Variants in LRRTM4 observed in about 807,000 individuals in gnomAD.
LRRTM4 encodes the protein leucine-rich repeat transmembrane neuronal protein 4.
In LRRTM4, 25 loss-of-function variants were observed where a neutral mutation model predicts 47.6. The ratio of observed to expected loss-of-function variants is 0.53; its 90% CI spans 0.38 to 0.73. The LOEUF (loss-of-function observed/expected upper bound fraction) is 0.73. LRRTM4 is among the 30% of genes least tolerant of loss of function. The pLI, the probability that LRRTM4 is intolerant of heterozygous loss-of-function variation, is 0.00. For synonymous variants in LRRTM4, 311 were observed against 269.5 expected, an observed-to-expected ratio of 1.15 and a Z score of -1.51; for missense variants, 638 against 713.4, an observed-to-expected ratio of 0.89 and a Z score of 1.20.
At chr2:76,863,442 A>G (rs1036829327) in intron 3 of LRRTM4, among the ~76,000 whole-genome samples, 1 of 152,180 alleles carries the variant, frequency 6.6e-6, no homozygotes, top group Non-Finnish European at 1.5e-5. Flanking sequence ...ATTTGAGTAA[A>G]GAAGCTTAGG....
At chr2:77,274,342 T>C (rs1169955521) in intron 3 of LRRTM4, among the ~76,000 whole-genome samples, 1 of 152,174 alleles carries the variant, frequency 6.6e-6, no homozygotes, top group Non-Finnish European at 1.5e-5. Context: ...CTGCTATATC[T>C]ATATCTCAAA....
At chr2:77,008,645 T>A (rs904594501) in intron 3 of LRRTM4, among the ~76,000 whole-genome samples, 4 of 152,096 alleles carry the variant, frequency 2.6e-5, no homozygotes, top group African/African-American at 9.7e-5. Flanking sequence ...ACTCTTGTCT[T>A]TCTTGTTGAG....
intron 3 of LRRTM4, among the ~76,000 whole-genome samples, chr2:77,151,117 A>ATG (rs144817565): frequency 0.057 from 8,351 of 147,666 alleles, 565 homozygotes; most frequent in African/African-American, 0.16. Flanking sequence ...ACGTCCGTGT[A>ATG]TGTGTGTGTG....
At position 77,008,169 on chromosome 2, in the gene LRRTM4, G is replaced by C. The variant is rs1159598501; in HGVS notation, c.1552-259253C>G. On this transcript the variant is annotated intron_variant, in intron 3 of 3. Transcript: ENST00000409884. ...AAGTAAAAACTTCAAATGTTGTGTG[G>C]TATTAGCATATATTATTCTCATCCC... Among the ~76,000 whole-genome samples, 11 of 152,214 alleles carry C rather than the reference G, an allele frequency of 7.2e-5. No individual in the cohort carries two copies. In the East Asian group the frequency reaches 1.9e-3, roughly 27 times the overall value.
intron 3 of LRRTM4, among the ~76,000 whole-genome samples, chr2:77,071,869 C>G (rs1680165425): frequency 2.0e-5 from 3 of 152,166 alleles, no homozygotes; most frequent in African/African-American, 7.2e-5. Context: ...GTTGAGGACA[C>G]TAGTGTCCAA....
At chr2:77,336,026 G>A (rs1671149479) in intron 3 of LRRTM4, among the ~76,000 whole-genome samples, 1 of 151,992 alleles carries the variant, frequency 6.6e-6, no homozygotes, top group Non-Finnish European at 1.5e-5. Flanking sequence ...TCATCTGCAG[G>A]TCAGAGTAGT....
At chr2:77,116,390 G>A (rs1671390241) in intron 3 of LRRTM4, among the ~76,000 whole-genome samples, 1 of 151,888 alleles carries the variant, frequency 6.6e-6, no homozygotes, top group Non-Finnish European at 1.5e-5. Context: ...TTTAAACATT[G>A]TATGTAGAGA....
chr2:76,849,666 A>G (rs1281423637), intron 3 of LRRTM4, among the ~76,000 whole-genome samples: 4 of 152,104 alleles, frequency 2.6e-5, no homozygotes, highest in African/African-American at 7.2e-5. Flanking sequence ...CTTAACAAAT[A>G]AATTCCAAAA....
At chr2:76,797,129 T>C (rs899851875) in intron 3 of LRRTM4, among the ~76,000 whole-genome samples, 1 of 151,782 alleles carries the variant, frequency 6.6e-6, no homozygotes, top group Non-Finnish European at 1.5e-5. Flanking sequence ...ACAAAGATAC[T>C]CCTCGAGAAG....
chr2:77,286,178 G>C (rs1399717536), intron 3 of LRRTM4, among the ~76,000 whole-genome samples: 1 of 151,972 alleles, frequency 6.6e-6, no homozygotes, highest in Non-Finnish European at 1.5e-5. Context: ...CCTCAATCTT[G>C]CTTCCATCAT....
intron 3 of LRRTM4, among the ~76,000 whole-genome samples, chr2:77,018,244 C>T (rs1225974322): frequency 7.9e-6 from 1 of 126,536 alleles, no homozygotes; most frequent in Admixed American, 8.1e-5. Flanking sequence ...CCATGTAATG[C>T]TAAGCTCTTG....
chr2:76,988,097 C>A (rs1676867404), intron 3 of LRRTM4, among the ~76,000 whole-genome samples: 2 of 151,886 alleles, frequency 1.3e-5, no homozygotes, highest in South Asian at 2.1e-4. Context: ...TTTCTTCTAT[C>A]AACTTTCATC....
intron 3 of LRRTM4, among the ~76,000 whole-genome samples, chr2:77,018,954 A>G (rs1275413143): frequency 6.6e-6 from 1 of 152,028 alleles, no homozygotes; most frequent in Non-Finnish European, 1.5e-5. Flanking sequence ...TTAAATTCTG[A>G]TTATTTTCAT....
chr2:77,224,058 T>C (rs1447442664), intron 3 of LRRTM4, among the ~76,000 whole-genome samples: 5 of 151,122 alleles, frequency 3.3e-5, no homozygotes, highest in African/African-American at 4.9e-5. Context: ...TGATGCCGCA[T>C]ATCTACAACT....
chr2:77,278,538 G>GA (rs974534825), intron 3 of LRRTM4, among the ~76,000 whole-genome samples: 36 of 147,714 alleles, frequency 2.4e-4, no homozygotes, highest in South Asian at 4.3e-4. Context: ...CACATCAATT[G>GA]AAAAAAAAAA....
At chr2:77,427,397 C>T (rs1034740089) in intron 3 of LRRTM4, among the ~76,000 whole-genome samples, 6 of 152,334 alleles carry the variant, frequency 3.9e-5, no homozygotes, top group Admixed American at 2.6e-4. Flanking sequence ...TGGATCACTA[C>T]ATTAATTCTA....
At chr2:77,390,706 A>G (rs1486338526) in intron 3 of LRRTM4, among the ~76,000 whole-genome samples, 1 of 151,580 alleles carries the variant, frequency 6.6e-6, no homozygotes, top group East Asian at 1.9e-4. Context: ...ATGATTTTCA[A>G]AATTAAAATT....
rs116762129 is a variant in LRRTM4 at position 77,058,039 on chromosome 2, T to C, written c.1552-309123A>G. On this transcript the variant is annotated intron_variant, in intron 3 of 3. Coordinates refer to ENST00000409884, the MANE Select transcript of LRRTM4 (RefSeq NM_001134745.3). Reference sequence around the variant, plus strand: ...TTTTGTCAATATTTTGTCAATATTTTAGATTTTTCATGGGCCTCTGTTGTC... The same window carrying C: ...TTTTGTCAATATTTTGTCAATATTTCAGATTTTTCATGGGCCTCTGTTGTC... Among the ~76,000 whole-genome samples the C allele has an allele frequency of 2.0e-3, 304 of 152,310 alleles. 6 individuals are homozygous for C. Among genetic ancestry groups the C allele is most frequent in the African/African-American group, 7.1e-3 (294 of 41,568 alleles).
intron 3 of LRRTM4, among the ~76,000 whole-genome samples, chr2:77,515,607 T>TA (rs1679177175): frequency 6.6e-6 from 1 of 151,604 alleles, no homozygotes; most frequent in Admixed American, 6.6e-5. Flanking sequence ...TAATTTTTTT[T>TA]TAAAAAAACC....
Sources: allele counts gnomAD v4.1 joint callset (sites outside exome capture counted in the v4.1 genomes callset), GRCh38; gene constraint gnomAD v4.1.1; transcripts MANE v1.5; gene names NCBI Gene and HGNC (gene_info 2026-07-23, HGNC 2026-07-21).